C3orf52: variants seen among roughly 807,000 people sequenced by gnomAD.
C3orf52 encodes TPA-induced transmembrane protein.
Under a neutral mutation model 24.8 loss-of-function variants are expected in C3orf52, and 22 were observed. The observed-to-expected ratio is 0.89, with a 90% CI of 0.63 to 1.27. The LOEUF (loss-of-function observed/expected upper bound fraction) is 1.27. C3orf52 is among the 50% of genes most tolerant of loss of function. The pLI, the probability that C3orf52 is intolerant of heterozygous loss-of-function variation, is 0.00. For missense variants in C3orf52, 265 were observed against 260.7 expected (o/e 1.02, Z -0.11); for synonymous variants, 93 against 100.2 (o/e 0.93, Z 0.43).
At chr3:112,095,970 G>T (rs1308895216) in intron 2 of C3orf52, among the ~76,000 whole-genome samples, 1 of 152,160 alleles carries the variant, frequency 6.6e-6, no homozygotes, top group Non-Finnish European at 1.5e-5. Context: ...AGTACTGCAT[G>T]GGAAATGTTG....
chr3:112,102,569 G>T (rs1292987518), intron 2 of C3orf52, among the ~76,000 whole-genome samples: 6 of 151,852 alleles, frequency 4.0e-5, no homozygotes, highest in African/African-American at 9.7e-5. Context: ...TACTCCCTTG[G>T]GCCCTTTCCC....
chr3:112,090,175 C>T (rs1243358002), intron 1 of C3orf52, among the ~76,000 whole-genome samples: 1 of 152,132 alleles, frequency 6.6e-6, no homozygotes, highest in African/African-American at 2.4e-5. Context: ...ATTGGAATCT[C>T]CGGGCGTTAC....
chr3:112,123,115 C>T (rs1406900705), downstream of C3orf52: 2 of 287,460 alleles, frequency 7.0e-6, no homozygotes, highest in Non-Finnish European at 1.3e-5. Context: ...CATGGGAACA[C>T]TTTATAAGAA....
chr3:112,119,199 A>G (rs1185986693), downstream of C3orf52, among the ~76,000 whole-genome samples: 2 of 152,118 alleles, frequency 1.3e-5, no homozygotes, highest in African/African-American at 4.8e-5. Flanking sequence ...CCTGACAAAC[A>G]TGGTGAAACC....
chr3:112,127,951 T>C, intron 4 of C3orf52: 2 of 1,401,450 alleles, frequency 1.4e-6, no homozygotes, highest in South Asian at 1.2e-5. Flanking sequence ...CACAGGTAAC[T>C]TACAGCAAAT....
Position 112,116,756 on chromosome 3 carries a change from C to G in C3orf52, c.*110C>G. 1 of 1,549,498 alleles carries G rather than the reference C, an allele frequency of 6.5e-7. No individual in the cohort carries two copies. Among genetic ancestry groups the G allele is most frequent in the South Asian group, 1.2e-5 (1 of 84,082 alleles). ...ATTCTGTGGATTAATACAGAAGCAC[C>G]AGCAACACCAGAGGGGTGGAGACTC... On this transcript the variant is annotated 3_prime_UTR_variant, in exon 6 of 6. Transcript: ENST00000264848.
Position 112,093,509 on chromosome 3 carries a change from A to C in C3orf52, c.268+20A>C. The C allele has an allele frequency of 6.2e-7, 1 of 1,602,958 alleles. No homozygotes were observed. Among genetic ancestry groups the C allele is most frequent in the Non-Finnish European group, 8.5e-7 (1 of 1,173,286 alleles). ...CTGCAGGTAAGAGGATTTAGATGTGAATAAATAACACATTTTAAGAACTTA... is the reference window on the plus strand; with the variant it reads ...CTGCAGGTAAGAGGATTTAGATGTGCATAAATAACACATTTTAAGAACTTA... On this transcript the variant is annotated intron_variant, in intron 2 of 5. Transcript: ENST00000264848.
intron 2 of C3orf52, among the ~76,000 whole-genome samples, chr3:112,095,999 G>A (rs535024230): frequency 1.3e-5 from 2 of 152,168 alleles, no homozygotes; most frequent in African/African-American, 4.8e-5. Flanking sequence ...TAAAAACACT[G>A]TTGGGAGAGT....
chr3:112,105,416 T>C (rs2074013818), intron 3 of C3orf52, among the ~76,000 whole-genome samples: 1 of 152,214 alleles, frequency 6.6e-6, no homozygotes, highest in South Asian at 2.1e-4. Context: ...CAATAACTCC[T>C]TTCTTCCATT....
At chr3:112,130,140 T>C (rs1459086197), downstream of C3orf52, 2 of 332,164 alleles carry the variant, frequency 6.0e-6, no homozygotes, top group Non-Finnish European at 5.6e-6. Flanking sequence ...CAAAGGTACC[T>C]GAGATAGACA....
intron 2 of C3orf52, 93 bp downstream of exon 2, chr3:112,093,582 T>C (rs2073898925): frequency 8.4e-7 from 1 of 1,195,942 alleles, no homozygotes; most frequent in Non-Finnish European, 1.2e-6. Context: ...CTCATAGCCA[T>C]TTCATTATTT....
intron 4 of C3orf52, 77 bp downstream of exon 4, chr3:112,109,690 T>A: frequency 1.2e-6 from 1 of 847,214 alleles, no homozygotes; most frequent in Non-Finnish European, 2.0e-6. Context: ...GTCATTTACC[T>A]AGCAGGGATT....
intron 1 of C3orf52, 145 bp from the exon 2 acceptor site, chr3:112,093,215 C>A (rs560700923): frequency 1.2e-5 from 9 of 736,282 alleles, no homozygotes; most frequent in Non-Finnish European, 1.9e-5. Context: ...TCTGATCTCT[C>A]TTTTTGAAAA....
At chr3:112,099,052 A>G in intron 2 of C3orf52, among the ~76,000 whole-genome samples, 1 of 152,060 alleles carries the variant, frequency 6.6e-6, no homozygotes, top group East Asian at 1.9e-4. Context: ...TGATGGTTTA[A>G]AAGTGTGTGG....
At chr3:112,119,635 ATGCT>A, downstream of C3orf52, 2 of 621,246 alleles carry the variant, frequency 3.2e-6, no homozygotes, top group Admixed American at 2.7e-5. Flanking sequence ...AGTCTGATCA[ATGCT>A]AAGAAAAAAT....
Position 112,113,104 on chromosome 3 carries a change from G to A in C3orf52, c.608G>A (p.Cys203Tyr), listed in dbSNP as rs1451493667. Residue 203 changes from cysteine to tyrosine, a missense_variant, in exon 5 of 6, where the codon TGT becomes TAT. By Grantham distance (194) the Cys-to-Tyr change is radical. Transcript: ENST00000264848. ...TTCCGTGATCAGAATATACCTGGTT[G>A]TGAGAGTCTGGGGCTTGATCCAACA... ...QDFRDQNIPG[C>Y]ESLGLDPTSL... 14 of 1,611,338 alleles carry A rather than the reference G, an allele frequency of 8.7e-6. No homozygotes were observed. Among genetic ancestry groups the A allele is most frequent in the East Asian group, 4.5e-5 (2 of 44,846 alleles).
At chr3:112,099,564 C>T (rs2073954208) in intron 2 of C3orf52, among the ~76,000 whole-genome samples, 1 of 152,110 alleles carries the variant, frequency 6.6e-6, no homozygotes, top group Non-Finnish European at 1.5e-5. Context: ...TTGACCTGAA[C>T]AAATTATGCA....
In C3orf52 at chr3:112,113,157, A is replaced by G; in HGVS notation, c.649+12A>G. The G allele has an allele frequency of 6.3e-7, 1 of 1,576,914 alleles. No individual in the cohort carries two copies. The highest frequency in any genetic ancestry group is 8.6e-7 in the Non-Finnish European group (1 of 1,162,644). ...CCTCTTGCTCTATGGTAAGTAGAGC[A>G]AGTAAAGAAGTCAGAGTTGTGACAA... On this transcript the variant is annotated intron_variant, in intron 5 of 5. Coordinates refer to ENST00000264848, the MANE Select transcript of C3orf52 (RefSeq NM_024616.3).
At chr3:112,109,659 G>T (rs368290990) in intron 4 of C3orf52, 46 bp downstream of exon 4, 131 of 1,209,790 alleles carry the variant, frequency 1.1e-4, no homozygotes, top group Non-Finnish European at 1.5e-4. Context: ...TCTGGAAAGA[G>T]ATCCCCCCAC....
Sources: allele counts gnomAD v4.1 joint callset (sites outside exome capture counted in the v4.1 genomes callset), GRCh38; gene constraint gnomAD v4.1.1; transcripts MANE v1.5; gene names NCBI Gene and HGNC (gene_info 2026-07-23, HGNC 2026-07-21).